COMMD4: variants seen among roughly 807,000 people sequenced by gnomAD.
COMMD4 encodes COMM domain-containing protein 4.
A neutral mutation model predicts 27.5 loss-of-function variants in COMMD4; 18 were observed. That is an observed-to-expected ratio of 0.65 (90% confidence interval 0.45 to 0.97). The LOEUF (loss-of-function observed/expected upper bound fraction) is 0.97. Ranked by LOEUF, COMMD4 falls within the 50% of genes least tolerant of loss-of-function variation. The pLI is 0.00. For missense variants in COMMD4, 243 were observed against 250.0 expected (o/e 0.97, Z 0.19); for synonymous variants, 108 against 108.4 (o/e 1.00, Z 0.02).
intron 4 of COMMD4, 148 bp from the exon 5 acceptor site, chr15:75,338,837 C>T (rs1187557065): frequency 7.0e-7 from 1 of 1,434,078 alleles, no homozygotes; most frequent in Non-Finnish European, 9.7e-7. Context: ...GACAGTCCCA[C>T]CTTCCTGTCC....
downstream of COMMD4, chr15:75,340,812 T>C (rs201475651): frequency 1.3e-5 from 2 of 149,792 alleles, no homozygotes; most frequent in Non-Finnish European, 3.0e-5. Context: ...AATTTTGTTT[T>C]TTTTTTTTTT....
chr15:75,337,920 TA>T, intron 1 of COMMD4, 141 bp from the exon 2 acceptor site: 1 of 792,978 alleles, frequency 1.3e-6, no homozygotes, highest in Non-Finnish European at 2.0e-6. Context: ...AGCCTGGTGA[TA>T]GGGGAGAACA....
In COMMD4 at chr15:75,338,108, C is replaced by T. The variant is rs1434050184; in HGVS notation, c.50C>T (p.Ala17Val). 5 of 1,607,600 alleles carry T rather than the reference C, an allele frequency of 3.1e-6. No homozygotes were observed. Among genetic ancestry groups the T allele is most frequent in the Non-Finnish European group, 4.2e-6 (5 of 1,177,014 alleles). The change falls in exon 2 of 8, where the codon GCA becomes GTA. Residue 17 changes from alanine to valine, a missense_variant. Coordinates refer to ENST00000267935, the MANE Select transcript of COMMD4 (RefSeq NM_017828.5). The part of the protein sequence containing the change: ...GDLDCPDWVL[A>V]EISTLAKMSS... ...CTGGACTGTCCCGACTGGGTCCTGG[C>T]AGAAATCAGCACGCTGGCCAAGATG...
At chr15:75,338,957 C>A (rs2071336881) in intron 4 of COMMD4, 28 bp from the exon 5 acceptor site, 1 of 1,613,832 alleles carries the variant, frequency 6.2e-7, no homozygotes, top group Admixed American at 1.7e-5. Flanking sequence ...CACAGTGACA[C>A]CCCCTGCCCC....
At position 75,339,261 on chromosome 15, in the gene COMMD4, C is replaced by G; in HGVS notation, c.302-3C>G. On this transcript the variant is annotated splice_polypyrimidine_tract_variant and splice_region_variant and intron_variant, in intron 5 of 7. Transcript: ENST00000267935. The stretch of plus-strand genomic sequence containing the variant: ...CTCCAGAGCTACTCCATTCTACCCC[C>G]AGAGCACGCGGCCAGCCTGTGCCGC... 6.2e-7 allele frequency: 1 copy of G among 1,612,216 alleles called. No individual in the cohort carries two copies. Among genetic ancestry groups the G allele is most frequent in the Non-Finnish European group, 8.5e-7 (1 of 1,180,006 alleles).
At chr15:75,336,914 C>T (rs1212345175) in intron 1 of COMMD4, 1 of 152,246 alleles carries the variant, frequency 6.6e-6, no homozygotes, top group Admixed American at 6.5e-5. Context: ...GAGTATGGCT[C>T]CCCAGGAATG....
rs1468935175 is a variant in COMMD4, at chr15:75,337,845, T to C, written c.4-217T>C. On this transcript the variant is annotated intron_variant, in intron 1 of 7. Coordinates refer to ENST00000267935, the MANE Select transcript of COMMD4 (RefSeq NM_017828.5). ...AATTGATGTTTGCTGAGCAGATGAATGCCTGGAGTAGACCTCAGAGCAGGG... is the reference window on the plus strand; with the variant it reads ...AATTGATGTTTGCTGAGCAGATGAACGCCTGGAGTAGACCTCAGAGCAGGG... The C allele has an allele frequency of 4.0e-4, 235 of 594,848 alleles. No homozygotes were observed. In the East Asian group the frequency reaches 6.0e-3, roughly 15 times the overall value. 36.8% of individuals were successfully genotyped at this position (594,848 alleles called of 1,614,324 possible). A position where few individuals can be genotyped will look rare whatever the true frequency, so the allele number is the denominator to read the frequency against.
rs1256260766 is a variant in COMMD4 at position 75,338,597 on chromosome 15, G to A, written c.142-49G>A. On this transcript the variant is annotated intron_variant, in intron 3 of 7. Transcript: ENST00000267935. ...GCAGGATCCAGGCTGGGGGTGAGGG[G>A]CTGGTGAGCAGGGGCCTGGCACCCC... 3.7e-6 allele frequency: 6 copies of A among 1,607,880 alleles called. No homozygotes were observed. The African/African-American group carries it at 4.0e-5, about 11-fold the overall frequency.
At chr15:75,336,359 G>A (rs2071187069) in intron 1 of COMMD4, 1 of 1,215,784 alleles carries the variant, frequency 8.2e-7, no homozygotes. Flanking sequence ...CCTGCCTCCC[G>A]GGGCAGGAAC....
In COMMD4 at chr15:75,339,340, A is replaced by G. The variant is rs141911278; in HGVS notation, c.378A>G (p.Leu126=). The G allele has an allele frequency of 8.5e-3, 13,622 of 1,611,100 alleles. 744 individuals are homozygous for G. The Admixed American group carries it at 0.13, about 15-fold the overall frequency. The part of the protein sequence containing the change: ...PLQKHLRVCS[L]RMNRLAGVGW... ...AGAAGCACTTGCGGGTCTGCAGCCT[A>G]CGCAGTAAGTATGAGGCCAGCCAGG... Residue 126 remains leucine (L), a synonymous_variant, in exon 6 of 8, where the codon CTA becomes CTG. Transcript: ENST00000267935.
rs1286643258 is a variant in COMMD4, at chr15:75,339,338, C to G, written c.376C>G (p.Leu126Val). 6.2e-7 allele frequency: 1 copy of G among 1,611,200 alleles called. No homozygotes were observed. Among genetic ancestry groups the G allele is most frequent in the Non-Finnish European group, 8.5e-7 (1 of 1,179,578 alleles). ...GCAGAAGCACTTGCGGGTCTGCAGC[C>G]TACGCAGTAAGTATGAGGCCAGCCA... Reference protein sequence around the residue: ...PLQKHLRVCSLRMNRLAGVGW... With the variant: ...PLQKHLRVCSVRMNRLAGVGW... Residue 126 changes from leucine (L) to valine (V), a missense_variant, in exon 6 of 8, where the codon CTA (leucine) becomes GTA (valine). Physicochemically the swap from Leu to Val is conservative, Grantham distance 32. Coordinates refer to ENST00000267935, the MANE Select transcript of COMMD4 (RefSeq NM_017828.5).
chr15:75,336,416 C>G (rs2071189813), intron 1 of COMMD4: 1 of 705,986 alleles, frequency 1.4e-6, no homozygotes, highest in South Asian at 2.2e-5. Flanking sequence ...TCCCCATCCC[C>G]AAGAGGACCT....
At chr15:75,336,134 G>A (rs1287819722) in intron 1 of COMMD4, 42 bp downstream of exon 1, 7 of 1,549,752 alleles carry the variant, frequency 4.5e-6, no homozygotes, top group Non-Finnish European at 6.1e-6. Context: ...CTGCTGGAGC[G>A]GGAATGAGGG....
chr15:75,336,133 C>A, intron 1 of COMMD4, 41 bp downstream of exon 1: 1 of 1,549,692 alleles, frequency 6.5e-7, no homozygotes, highest in Middle Eastern at 2.2e-4. Flanking sequence ...GCTGCTGGAG[C>A]GGGAATGAGG....
chr15:75,340,557 C>T (rs533636426), downstream of COMMD4, among the ~76,000 whole-genome samples: 2 of 152,296 alleles, frequency 1.3e-5, no homozygotes, highest in South Asian at 2.1e-4. Context: ...GCCAAATGCC[C>T]CTTGTACAGA....
At chr15:75,341,226 TA>T (rs940576006), downstream of COMMD4, 3 of 152,698 alleles carry the variant, frequency 2.0e-5, no homozygotes, top group Admixed American at 2.0e-4. Flanking sequence ...TGTAAGCCAC[TA>T]GTCTGTGGCA....
intron 4 of COMMD4, 133 bp downstream of exon 4, chr15:75,338,818 A>G (rs1246732115): frequency 7.1e-7 from 1 of 1,417,266 alleles, no homozygotes; most frequent in African/African-American, 1.4e-5. Context: ...CATGAGGGAA[A>G]GAAAGACCGA....
At position 75,336,185 on chromosome 15, in the gene COMMD4, C is replaced by T. The variant is rs983758724; in HGVS notation, c.3+93C>T. 9.0e-6 allele frequency: 14 copies of T among 1,549,120 alleles called. No individual in the cohort carries two copies. In the African/African-American group the frequency reaches 1.6e-4, roughly 18 times the overall value. On this transcript the variant is annotated intron_variant, in intron 1 of 7. Transcript: ENST00000267935. ...CGGAAACTGGGGGAGGTTGTACTGG[C>T]CTCTCCGCAAACACAGTGTGTGCGG...
chr15:75,342,068 CAAAAAAAAAAAA>C (rs34126288), downstream of COMMD4: 9 of 44,060 alleles, frequency 2.0e-4, no homozygotes, highest in Admixed American at 1.1e-3. Context: ...GACCCTGTCT[CAAAAAAAAAAAA>C]AAAAAAAAAA....
Sources: allele counts gnomAD v4.1 joint callset (sites outside exome capture counted in the v4.1 genomes callset), GRCh38; gene constraint gnomAD v4.1.1; transcripts MANE v1.5; gene names NCBI Gene and HGNC (gene_info 2026-07-23, HGNC 2026-07-21).